TTPA: variants seen among roughly 807,000 people sequenced by gnomAD.
The protein encoded by TTPA is alpha-tocopherol transfer protein.
A neutral mutation model predicts 25.9 loss-of-function variants in TTPA; 23 were observed. That is an observed-to-expected ratio of 0.89 (90% CI 0.64 to 1.26). TTPA has a LOEUF of 1.26. Among genes scored for constraint, TTPA ranks in the 50% most tolerant of loss-of-function variants. TTPA has a pLI of 0.00. For missense variants in TTPA, 337 were observed against 353.1 expected, an observed-to-expected ratio of 0.95 and a Z score of 0.37; for synonymous variants, 148 against 137.3, an observed-to-expected ratio of 1.08 and a Z score of -0.54.
intron 1 of TTPA, among the ~76,000 whole-genome samples, chr8:63,080,599 G>C (rs1027254825): frequency 1.3e-5 from 2 of 151,766 alleles, no homozygotes; most frequent in Non-Finnish European, 2.9e-5. Context: ...GCGGGCGTCT[G>C]TAGTCCCAGC....
rs1805748326 is a variant in TTPA at position 63,085,996 on chromosome 8, G to A, written c.26C>T (p.Ser9Leu). 10 of 1,493,802 alleles carry A rather than the reference G, an allele frequency of 6.7e-6. No homozygotes were observed. The highest frequency in any genetic ancestry group is 8.8e-6 in the Non-Finnish European group (10 of 1,130,354). The allele number at this position is 1,493,802 out of a possible 1,614,324, so 92.5% of individuals were successfully genotyped here. MAEARSQP[S>L]AGPQLNALPD... is the part of the protein sequence containing the mutation. ...TAGCGCGTTGAGCTGCGGCCCCGCC[G>A]AGGGCTGGGATCGCGCCTCTGCCAT... The change falls in exon 1 of 5, where the codon TCG becomes TTG. Residue 9 changes from serine (S) to leucine (L), a missense_variant. By Grantham distance (145) the Ser-to-Leu change is moderately radical (BLOSUM62 -2). Transcript: ENST00000260116.
At chr8:63,063,952 T>C (rs1805347278) in intron 4 of TTPA, among the ~76,000 whole-genome samples, 1 of 152,148 alleles carries the variant, frequency 6.6e-6, no homozygotes, top group East Asian at 1.9e-4. Flanking sequence ...GAATATACCA[T>C]TAAGCATTCC....
At chr8:63,074,485 A>G (rs1409604475) in intron 1 of TTPA, among the ~76,000 whole-genome samples, 1 of 152,244 alleles carries the variant, frequency 6.6e-6, no homozygotes, top group East Asian at 1.9e-4. Flanking sequence ...GTTAAATGCA[A>G]GAGAGGAGTA....
rs533919260 is a variant in TTPA, at chr8:63,071,900, C to T, written c.358+1035G>A. On this transcript the variant is annotated intron_variant, in intron 2 of 4. Transcript: ENST00000260116. ...CTGTTTTTATAAGTCACCCAGTCTA[C>T]GTCATTTTGTTATAGTGGCCTGAAT... Among the ~76,000 whole-genome samples, 20 of 152,186 alleles carry T rather than the reference C, an allele frequency of 1.3e-4. No individual in the cohort carries two copies. In the East Asian group the frequency reaches 1.4e-3, roughly 10 times the overall value.
intron 2 of TTPA, among the ~76,000 whole-genome samples, chr8:63,066,412 G>A (rs1281348782): frequency 1.3e-5 from 2 of 152,286 alleles, no homozygotes; most frequent in South Asian, 4.1e-4. Flanking sequence ...TCCAAGCTCA[G>A]AGATGTTGGA....
Position 63,086,024 on chromosome 8 carries a change from C to G in TTPA, c.-3G>C, listed in dbSNP as rs1805749367. 1.4e-6 allele frequency: 2 copies of G among 1,422,738 alleles called. No individual in the cohort carries two copies. The highest frequency in any genetic ancestry group is 2.6e-5 in the Admixed American group (1 of 37,864). 88.1% of individuals were successfully genotyped at this position (1,422,738 alleles called of 1,614,324 possible). A position where few individuals can be genotyped will look rare whatever the true frequency, so the allele number is the denominator to read the frequency against. ...GGCTGGGATCGCGCCTCTGCCATGC[C>G]CGCCGCCGCTGCTGCGGCCGCAGCT... On this transcript the variant is annotated 5_prime_UTR_variant, in exon 1 of 5. Transcript: ENST00000260116.
chr8:63,073,634 T>C (rs1242187264), intron 1 of TTPA, among the ~76,000 whole-genome samples: 2 of 152,200 alleles, frequency 1.3e-5, no homozygotes, highest in Non-Finnish European at 2.9e-5. Flanking sequence ...TCCCATCTAA[T>C]GCCATGTGGA....
intron 1 of TTPA, among the ~76,000 whole-genome samples, chr8:63,076,064 C>G (rs72659823): frequency 0.068 from 10,313 of 152,216 alleles, 647 homozygotes; most frequent in African/African-American, 0.16. Flanking sequence ...GTGTATTTGA[C>G]AGCGCAGGCT....
At chr8:63,072,413 C>A (rs551768914) in intron 2 of TTPA, among the ~76,000 whole-genome samples, 1 of 152,292 alleles carries the variant, frequency 6.6e-6, no homozygotes, top group South Asian at 2.1e-4. Flanking sequence ...CAGGTATGCA[C>A]CACCACACCC....
intron 2 of TTPA, among the ~76,000 whole-genome samples, chr8:63,066,600 T>C (rs1805394548): frequency 6.6e-6 from 1 of 152,046 alleles, no homozygotes; most frequent in Admixed American, 6.6e-5. Flanking sequence ...AATTGAGGGC[T>C]TGGGAAAGAA....
intron 1 of TTPA, among the ~76,000 whole-genome samples, chr8:63,081,641 C>T (rs141144740): frequency 0.026 from 3,923 of 152,092 alleles, 146 homozygotes; most frequent in African/African-American, 0.085. Context: ...ATCCTGGCCA[C>T]GGCAATCAGG....
intron 2 of TTPA, among the ~76,000 whole-genome samples, chr8:63,066,783 T>C (rs1805397469): frequency 6.6e-6 from 1 of 152,136 alleles, no homozygotes; most frequent in South Asian, 2.1e-4. Context: ...GATAATCTTT[T>C]TTAAAAGACA....
intron 2 of TTPA, among the ~76,000 whole-genome samples, chr8:63,066,988 G>C (rs994790721): frequency 5.3e-5 from 8 of 151,882 alleles, no homozygotes; most frequent in Non-Finnish European, 1.0e-4. Context: ...GGTGGGGGGA[G>C]GGGGAACACT....
At position 63,082,963 on chromosome 8, in the gene TTPA, T is replaced by C. The variant is rs189880198; in HGVS notation, c.204+2855A>G. On this transcript the variant is annotated intron_variant, in intron 1 of 4. Coordinates refer to ENST00000260116, the MANE Select transcript of TTPA (RefSeq NM_000370.3). ...TACTATCTCACGCCAGTTAGAATGG[T>C]GATCATTGAAAAGTCAGGAAACGAC... Among the ~76,000 whole-genome samples the C allele has an allele frequency of 2.5e-3, 387 of 152,248 alleles. 4 individuals carry two copies. Among genetic ancestry groups the C allele is most frequent in the Admixed American group, 0.018 (280 of 15,296 alleles).
rs1041758582 is a variant in TTPA at position 63,081,115 on chromosome 8, G to C, written c.204+4703C>G. 2.3e-4 allele frequency among the ~76,000 whole-genome samples: 35 copies of C among 151,788 alleles called. 1 individual carries two copies. ...GAAACTATTCCAATCAATAGAAAAA[G>C]AGGGGATCCTCACAAACTCATTTTA... is the stretch of plus-strand genomic sequence containing the variant. On this transcript the variant is annotated intron_variant, in intron 1 of 4. Coordinates refer to ENST00000260116, the MANE Select transcript of TTPA (RefSeq NM_000370.3).
chr8:63,064,381 G>T (rs1247824637), intron 3 of TTPA, 65 bp from the exon 4 acceptor site: 2 of 1,142,346 alleles, frequency 1.8e-6, no homozygotes, highest in Non-Finnish European at 2.6e-6. Flanking sequence ...CTAATGTCAA[G>T]TTTCTTCTTT....
intron 1 of TTPA, among the ~76,000 whole-genome samples, chr8:63,083,987 C>T (rs1053337178): frequency 1.3e-5 from 2 of 151,632 alleles, no homozygotes; most frequent in Non-Finnish European, 2.9e-5. Flanking sequence ...TGGGCTCAAG[C>T]GATTCTCCCA....
At chr8:63,064,418 T>A in intron 3 of TTPA, 102 bp from the exon 4 acceptor site, 1 of 792,212 alleles carries the variant, frequency 1.3e-6, no homozygotes, top group Non-Finnish European at 2.1e-6. Context: ...TATGGAAATA[T>A]CTAAAGTGTG....
chr8:63,066,244 G>T, intron 2 of TTPA, 147 bp from the exon 3 acceptor site: 1 of 863,004 alleles, frequency 1.2e-6, no homozygotes, highest in Middle Eastern at 3.2e-4. Flanking sequence ...AATCCAACTG[G>T]CGTCCAAGAA....
Sources: gnomAD v4.1 joint callset for allele counts (sites outside exome capture counted in the v4.1 genomes callset) on GRCh38, gnomAD v4.1.1 for gene constraint, MANE v1.5 for transcripts, NCBI Gene and HGNC (gene_info 2026-07-23, HGNC 2026-07-21) for gene names.